The following DPYD variants were observed in gnomAD, a reference collection of about 807,000 sequenced individuals.
DPYD encodes dihydropyrimidine dehydrogenase.
A neutral mutation model predicts 116.2 loss-of-function variants in DPYD; 109 were observed. The ratio of observed to expected loss-of-function variants is 0.94; its 90% CI spans 0.80 to 1.10. DPYD has a LOEUF of 1.10. Ranked by LOEUF, DPYD falls within the 50% of genes least tolerant of loss-of-function variation. The pLI is 0.00. For missense variants in DPYD, 1,302 were observed against 1,254.5 expected, an observed-to-expected ratio of 1.04 and a Z score of -0.57; for synonymous variants, 440 against 432.0, an observed-to-expected ratio of 1.02 and a Z score of -0.23.
chr1:97,375,247 T>A (rs1671547775), intron 15 of DPYD, among the ~76,000 whole-genome samples: 1 of 152,162 alleles, frequency 6.6e-6, no homozygotes. Context: ...ACTTTCTAAG[T>A]ACACCAGACC....
chr1:97,707,779 G>T (rs1662063371), intron 5 of DPYD, among the ~76,000 whole-genome samples: 1 of 151,848 alleles, frequency 6.6e-6, no homozygotes, highest in Admixed American at 6.6e-5. Context: ...CTATTCAGAT[G>T]CTTATTTTCC....
intron 8 of DPYD, among the ~76,000 whole-genome samples, chr1:97,674,087 T>G (rs1169196577): frequency 6.6e-6 from 1 of 152,182 alleles, no homozygotes; most frequent in African/African-American, 2.4e-5. Context: ...TGATCAGATC[T>G]GATTTCAGCA....
intron 3 of DPYD, among the ~76,000 whole-genome samples, chr1:97,793,883 A>C (rs1667438477): frequency 6.6e-6 from 1 of 152,164 alleles, no homozygotes; most frequent in South Asian, 2.1e-4. Context: ...CATCAAAAAT[A>C]ACAATTTCTG....
intron 14 of DPYD, among the ~76,000 whole-genome samples, chr1:97,404,589 T>C (rs1211344450): frequency 6.6e-6 from 1 of 152,104 alleles, no homozygotes; most frequent in Non-Finnish European, 1.5e-5. Context: ...CTGCTTTGCC[T>C]GAAATTAATA....
chr1:97,830,338 A>G (rs997200836), intron 2 of DPYD, among the ~76,000 whole-genome samples: 33 of 152,216 alleles, frequency 2.2e-4, no homozygotes, highest in Non-Finnish European at 3.4e-4. Context: ...TTCCTAGCAT[A>G]AACAGCAGGG....
chr1:97,387,773 G>GA (rs1672436547), intron 14 of DPYD, among the ~76,000 whole-genome samples: 1 of 152,010 alleles, frequency 6.6e-6, no homozygotes, highest in East Asian at 1.9e-4. Flanking sequence ...TGTTCAAGGG[G>GA]AAAAAAGAAG....
chr1:97,388,318 T>C (rs1672477824), intron 14 of DPYD, among the ~76,000 whole-genome samples: 1 of 152,048 alleles, frequency 6.6e-6, no homozygotes, highest in African/African-American at 2.4e-5. Context: ...TGCCACTGGA[T>C]ATATGAGTGG....
At chr1:97,546,454 G>A (rs1437162743) in intron 12 of DPYD, 16 of 1,602,190 alleles carry the variant, frequency 1.0e-5, no homozygotes, top group Non-Finnish European at 1.4e-5. Context: ...GAAAGATGAT[G>A]GTAGTGACAG....
chr1:97,807,252 G>A (rs1668119185), intron 3 of DPYD, among the ~76,000 whole-genome samples: 1 of 152,002 alleles, frequency 6.6e-6, no homozygotes, highest in African/African-American at 2.4e-5. Context: ...CTTCCAAAGT[G>A]GCTTTACTAA....
At chr1:97,083,469 T>C (rs1649306741) in intron 21 of DPYD, among the ~76,000 whole-genome samples, 1 of 152,154 alleles carries the variant, frequency 6.6e-6, no homozygotes, top group Non-Finnish European at 1.5e-5. Flanking sequence ...CTCATTATCA[T>C]GGAATTTCAA....
intron 16 of DPYD, among the ~76,000 whole-genome samples, chr1:97,367,874 A>T (rs1671118449): frequency 6.6e-6 from 1 of 152,168 alleles, no homozygotes; most frequent in Non-Finnish European, 1.5e-5. Context: ...ATTCTTTGAC[A>T]GTGATTCAAG....
At chr1:97,521,155 AG>A (rs1648628453) in intron 12 of DPYD, among the ~76,000 whole-genome samples, 1 of 152,126 alleles carries the variant, frequency 6.6e-6, no homozygotes, top group Non-Finnish European at 1.5e-5. Flanking sequence ...CTGACTTTTA[AG>A]TTATCGCCAT....
intron 18 of DPYD, among the ~76,000 whole-genome samples, chr1:97,243,024 A>T (rs927695289): frequency 5.3e-5 from 8 of 151,906 alleles, no homozygotes; most frequent in African/African-American, 1.9e-4. Context: ...TTATTTTTAT[A>T]ATTAATTTAT....
At chr1:97,399,786 G>C (rs1673258734) in intron 14 of DPYD, among the ~76,000 whole-genome samples, 1 of 152,150 alleles carries the variant, frequency 6.6e-6, no homozygotes, top group East Asian at 1.9e-4. Flanking sequence ...TGTGATTTTT[G>C]TACATTGATT....
At position 97,133,998 on chromosome 1, in the gene DPYD, C is replaced by CAAAAAAAAAAAAAAAAAA. The variant is rs1208967697; in HGVS notation, c.2623-35367_2623-35366insTTTTTTTTTTTTTTTTTT. Among the ~76,000 whole-genome samples, 8 of 17,244 alleles carry CAAAAAAAAAAAAAAAAAA rather than the reference C, an allele frequency of 4.6e-4. 1 individual carries two copies. Among genetic ancestry groups the CAAAAAAAAAAAAAAAAAA allele is most frequent in the African/African-American group, 2.3e-3 (7 of 3,088 alleles). 11.3% of individuals were successfully genotyped at this position (17,244 alleles called of 152,430 possible). A position where few individuals can be genotyped will look rare whatever the true frequency, so the allele number is the denominator to read the frequency against. On this transcript the variant is annotated intron_variant, in intron 20 of 22. Coordinates refer to ENST00000370192, the MANE Select transcript of DPYD (RefSeq NM_000110.4). ...TGGGTCACAGAGCCAGACTCTGTTTCAAAAAAAAAAAAAAAAATATATATA... is the reference window on the plus strand; with the variant it reads ...TGGGTCACAGAGCCAGACTCTGTTTCAAAAAAAAAAAAAAAAAAAAAAAAAAAAAAAAAAATATATATA...
chr1:97,774,846 C>T (rs948486680), intron 3 of DPYD: 4 of 192,610 alleles, frequency 2.1e-5, no homozygotes, highest in South Asian at 1.2e-4. Context: ...AACGGTTTGA[C>T]GATTTTGAAC....
Position 97,498,492 on chromosome 1 carries a change from G to C in DPYD, c.1740+17234C>G, listed in dbSNP as rs111672788. 8.2e-4 allele frequency among the ~76,000 whole-genome samples: 31 copies of C among 37,818 alleles called. No homozygotes were observed. In the Middle Eastern group the frequency reaches 0.069, roughly 85 times the overall value. The allele number at this position is 37,818 out of a possible 152,430, so 24.8% of individuals were successfully genotyped here. A position where few individuals can be genotyped will look rare whatever the true frequency, so the allele number is the denominator to read the frequency against. On this transcript the variant is annotated intron_variant, in intron 13 of 22. Transcript: ENST00000370192. ...ACTTTGCCTCTCTCTCTCTTTCTCT[G>C]TGTGTGTGTGTGTGTGTGTGTGTGT...
At chr1:97,785,885 G>T (rs1486125977) in intron 3 of DPYD, among the ~76,000 whole-genome samples, 4 of 150,678 alleles carry the variant, frequency 2.7e-5, no homozygotes, top group African/African-American at 9.8e-5. Flanking sequence ...AGTAGAGATG[G>T]GGTTTCACTG....
At chr1:97,915,782 A>G (rs1674180698) in intron 1 of DPYD, among the ~76,000 whole-genome samples, 1 of 152,206 alleles carries the variant, frequency 6.6e-6, no homozygotes, top group Non-Finnish European at 1.5e-5. Flanking sequence ...ATGCATTCAT[A>G]CAGCTGAGAG....
Sources: allele counts gnomAD v4.1 joint callset (sites outside exome capture counted in the v4.1 genomes callset), GRCh38; gene constraint gnomAD v4.1.1; transcripts MANE v1.5; gene names NCBI Gene and HGNC (gene_info 2026-07-23, HGNC 2026-07-21).